The following POLQ variants were observed in gnomAD, a reference collection of about 807,000 sequenced individuals.
POLQ encodes epididymis secretory sperm binding protein.
In POLQ, 233 loss-of-function variants were observed where a neutral mutation model predicts 259.2. The ratio of observed to expected loss-of-function variants is 0.90; its 90% CI spans 0.81 to 1.00. The LOEUF (loss-of-function observed/expected upper bound fraction) is 1.00, where lower values mean the gene tolerates loss of function less well. Among genes scored for constraint, POLQ ranks in the 50% least tolerant of loss-of-function variants. POLQ has a pLI of 0.00. For synonymous variants in POLQ, 1,025 were observed against 1,048.8 expected, an observed-to-expected ratio of 0.98 and a Z score of 0.44; for missense variants, 2,871 against 3,051.6, an observed-to-expected ratio of 0.94 and a Z score of 1.39.
In POLQ at chr3:121,521,883, TAAAAA is replaced by T. The variant is rs2048338763; in HGVS notation, c.1255+115_1255+119del. 5.4e-6 allele frequency: 4 copies of T among 738,072 alleles called. No individual in the cohort carries two copies. In the South Asian group the frequency reaches 1.1e-4, roughly 20 times the overall value. The allele number at this position is 738,072 out of a possible 1,614,324, so 45.7% of individuals were successfully genotyped here. A position where few individuals can be genotyped will look rare whatever the true frequency, so the allele number is the denominator to read the frequency against. ...ACCACGCCCAGCCCACACAATTTCT[TAAAAA>T]GAAATCTAAGGACATTAAGTGTGTT... On this transcript the variant is annotated intron_variant, in intron 8 of 29. Coordinates refer to ENST00000264233, the MANE Select transcript of POLQ (RefSeq NM_199420.4).
intron 24 of POLQ, among the ~76,000 whole-genome samples, chr3:121,464,055 A>C (rs2047815633): frequency 6.6e-6 from 1 of 152,222 alleles, no homozygotes; most frequent in Admixed American, 6.5e-5. Context: ...ATTTTCTTGA[A>C]ACAAAAGAAC....
chr3:121,471,275 A>T (rs1029703303), intron 22 of POLQ, among the ~76,000 whole-genome samples: 2 of 152,094 alleles, frequency 1.3e-5, no homozygotes, highest in East Asian at 3.9e-4. Flanking sequence ...ACACTTACTT[A>T]TACGGATGCC....
Position 121,541,336 on chromosome 3 carries a change from TA to T in POLQ, c.474+12del. 2 of 1,572,874 alleles carry T rather than the reference TA, an allele frequency of 1.3e-6. No homozygotes were observed. Among genetic ancestry groups the T allele is most frequent in the Admixed American group, 2.0e-5 (1 of 50,806 alleles). Reference sequence around the variant, plus strand: ...GAGCCTTTCACTATTTCAAACTTAGTAAAAAACATTACCTGGAGGTAGTATT... The same window carrying T: ...GAGCCTTTCACTATTTCAAACTTAGTAAAAACATTACCTGGAGGTAGTATT... On this transcript the variant is annotated intron_variant, in intron 3 of 29. Coordinates refer to ENST00000264233, the MANE Select transcript of POLQ (RefSeq NM_199420.4).
In POLQ at chr3:121,432,301, C is replaced by CAGTT. The variant is rs1560081629; in HGVS notation, c.7772_*2dup. ...CCCTGGGAGGACTTCATCAACAGCA[C>CAGTT]AGTTACACATCAAAGTCCTTTAGCT... is the stretch of plus-strand genomic sequence containing the variant. On this transcript the variant is annotated 3_prime_UTR_variant, in exon 30 of 30. Coordinates refer to ENST00000264233, the MANE Select transcript of POLQ (RefSeq NM_199420.4). The CAGTT allele has an allele frequency of 8.8e-6, 14 of 1,592,784 alleles. No individual in the cohort carries two copies. Among genetic ancestry groups the CAGTT allele is most frequent in the Non-Finnish European group, 1.2e-5 (14 of 1,171,558 alleles).
intron 21 of POLQ, 147 bp downstream of exon 21, chr3:121,473,203 C>T: frequency 5.4e-6 from 4 of 738,764 alleles, no homozygotes; most frequent in Non-Finnish European, 8.5e-6. Context: ...TTGTGGGCTA[C>T]CAAACCACAA....
At chr3:121,456,587 T>C (rs1195232146) in intron 25 of POLQ, among the ~76,000 whole-genome samples, 6 of 151,768 alleles carry the variant, frequency 4.0e-5, no homozygotes, top group Non-Finnish European at 7.4e-5. Flanking sequence ...TATACACCAA[T>C]AACAGACAAA....
chr3:121,481,778 TC>T lies in POLQ; in HGVS notation c.6004del (p.Glu2002SerfsTer7). The T allele has an allele frequency of 6.2e-7, 1 of 1,612,994 alleles. No individual in the cohort carries two copies. Among genetic ancestry groups the T allele is most frequent in the Non-Finnish European group, 8.5e-7 (1 of 1,179,190 alleles). On this transcript the variant is annotated frameshift_variant, in exon 19 of 30. Coordinates refer to ENST00000264233, the MANE Select transcript of POLQ (RefSeq NM_199420.4). LOFTEE classifies it high-confidence loss of function. ...ACWLLDPDSQ[E>X]PTLHSIVTSF... ...GGTAACTATGCTATGAAGAGTCGGC[TC>T]CTGAGAATCTGGATCTAGTAACCAG...
At chr3:121,473,112 C>T (rs939851527) in intron 21 of POLQ, among the ~76,000 whole-genome samples, 1 of 152,136 alleles carries the variant, frequency 6.6e-6, no homozygotes, top group Admixed American at 6.5e-5. Flanking sequence ...TAAACCTTTA[C>T]ACCATTTTAA....
At position 121,460,114 on chromosome 3, in the gene POLQ, G is replaced by A; in HGVS notation, c.7088C>T (p.Ala2363Val). The change falls in exon 25 of 30, where the codon GCA (alanine) becomes GTA (valine). Residue 2363 changes from alanine to valine, a missense_variant. Transcript: ENST00000264233. ...TGGCTCAATCATCTTCCACTCTGCTGCAATGCTCCTGAAAACATCAGCTCC... is the reference window on the plus strand; with the variant it reads ...TGGCTCAATCATCTTCCACTCTGCTACAATGCTCCTGAAAACATCAGCTCC... The part of the protein sequence containing the change: ...NTGADVFRSI[A>V]AEWKMIEPES... 1 of 1,613,960 alleles carries A rather than the reference G, an allele frequency of 6.2e-7. No homozygotes were observed.
rs773506904 is a variant in POLQ at position 121,468,376 on chromosome 3, G to A, written c.6774C>T (p.Ile2258=). The A allele has an allele frequency of 6.2e-7, 1 of 1,611,050 alleles. No homozygotes were observed. The highest frequency in any genetic ancestry group is 1.7e-5 in the Admixed American group (1 of 59,976). ...TTTCTCCTACTAGTGTTGGCATTTT[G>A]ATTTCAAAATCTCTTGGCACATTCT... is the stretch of plus-strand genomic sequence containing the variant. The part of the protein sequence containing the change: ...NIQNVPRDFE[I]KMPTLVGESP... The change falls in exon 23 of 30, where the codon ATC becomes ATT. Residue 2258 remains isoleucine (I), a synonymous_variant. Coordinates refer to ENST00000264233, the MANE Select transcript of POLQ (RefSeq NM_199420.4).
At chr3:121,456,926 G>GTCAA (rs1384920678) in intron 25 of POLQ, among the ~76,000 whole-genome samples, 2 of 152,022 alleles carry the variant, frequency 1.3e-5, no homozygotes, top group African/African-American at 4.8e-5. Context: ...GCATCGCCAA[G>GTCAA]TCAATCCTAA....
intron 14 of POLQ, chr3:121,494,101 C>T (rs1236126853): frequency 4.2e-6 from 3 of 706,102 alleles, no homozygotes; most frequent in Middle Eastern, 3.7e-4. Flanking sequence ...TCTCTTCCCG[C>T]CACCCAAGAT....
chr3:121,512,372 C>T (rs948892971), intron 9 of POLQ, among the ~76,000 whole-genome samples: 1 of 152,228 alleles, frequency 6.6e-6, no homozygotes, highest in South Asian at 2.1e-4. Context: ...CACAGGACAA[C>T]AACCCTTATC....
At position 121,475,982 on chromosome 3, in the gene POLQ, A is replaced by G. The variant is rs549972891; in HGVS notation, c.6405+558T>C. ...AGGCACCACTGAATTCAACACATGA[A>G]TAAGAGAAACCAAGTTCCTCATTTT... On this transcript the variant is annotated intron_variant, in intron 20 of 29. Coordinates refer to ENST00000264233, the MANE Select transcript of POLQ (RefSeq NM_199420.4). 5.6e-4 allele frequency among the ~76,000 whole-genome samples: 86 copies of G among 152,346 alleles called. No homozygotes were observed. In the South Asian group the frequency reaches 0.018, roughly 31 times the overall value.
Position 121,432,306 on chromosome 3 carries a change from A to G in POLQ, c.7771T>C (p.Ter2591GlnextTer4). The G allele has an allele frequency of 1.3e-6, 2 of 1,595,302 alleles. No individual in the cohort carries two copies. Among genetic ancestry groups the G allele is most frequent in the South Asian group, 2.3e-5 (2 of 87,790 alleles). ...GGAGGACTTCATCAACAGCACAGTT[A>G]CACATCAAAGTCCTTTAGCTCTCCC... ...SWGELKDFDV[*>Q] is the part of the protein sequence containing the mutation. Residue 2591 changes from the stop codon to glutamine, a stop_lost, in exon 30 of 30, where the codon TAA becomes CAA. Coordinates refer to ENST00000264233, the MANE Select transcript of POLQ (RefSeq NM_199420.4).
At position 121,470,669 on chromosome 3, in the gene POLQ, G is replaced by C. The variant is rs138275631; in HGVS notation, c.6718+1321C>G. Among the ~76,000 whole-genome samples the C allele has an allele frequency of 1.2e-4, 19 of 152,262 alleles. No individual in the cohort carries two copies. In the East Asian group the frequency reaches 2.9e-3, roughly 23 times the overall value. On this transcript the variant is annotated intron_variant, in intron 22 of 29. Transcript: ENST00000264233. ...TCTGTTGCCCAGGCTGAAGTGCAGT[G>C]GCTCAATCACAGCTCACTGTAGCCT...
chr3:121,480,178 AT>A (rs2047959684), intron 19 of POLQ, among the ~76,000 whole-genome samples: 3 of 151,172 alleles, frequency 2.0e-5, no homozygotes, highest in South Asian at 2.1e-4. Context: ...TGGAAAAAAA[AT>A]ATATATATAT....
chr3:121,466,783 A>C (rs1266508155), intron 24 of POLQ, among the ~76,000 whole-genome samples: 1 of 152,160 alleles, frequency 6.6e-6, no homozygotes, highest in Non-Finnish European at 1.5e-5. Context: ...GATAGTTTAG[A>C]CATAAGTAAA....
At chr3:121,450,974 G>A (rs1352667981) in intron 25 of POLQ, among the ~76,000 whole-genome samples, 1 of 151,994 alleles carries the variant, frequency 6.6e-6, no homozygotes, top group African/African-American at 2.4e-5. Flanking sequence ...ATTTCTTGGA[G>A]GCTTTGTTCG....
Sources: gnomAD v4.1 joint callset for allele counts (sites outside exome capture counted in the v4.1 genomes callset) on GRCh38, gnomAD v4.1.1 for gene constraint, MANE v1.5 for transcripts, NCBI Gene and HGNC (gene_info 2026-07-23, HGNC 2026-07-21) for gene names.